The following DRICH1 variants were observed in gnomAD, a reference collection of about 807,000 sequenced individuals.
DRICH1 encodes the protein aspartate-rich protein 1.
DRICH1 carries 38 observed loss-of-function variants against 39.5 expected under a neutral mutation model. The observed-to-expected ratio is 0.96, with a 90% CI of 0.74 to 1.26. The LOEUF (loss-of-function observed/expected upper bound fraction) is 1.26, where lower values mean the gene tolerates loss of function less well. Ranked by LOEUF, DRICH1 falls within the 50% of genes most tolerant of loss-of-function variation. The probability of loss-of-function intolerance (pLI) is 0.00; values close to 1 mark genes in which losing one functional copy is unlikely to be tolerated. For missense variants in DRICH1, 279 were observed against 270.4 expected (o/e 1.03, Z -0.22); for synonymous variants, 84 against 99.5 (o/e 0.84, Z 0.93).
chr22:23,588,403 G>A, the DRICH1 span, among the ~76,000 whole-genome samples: 1 of 152,250 alleles, frequency 6.6e-6, no homozygotes, highest in Non-Finnish European at 1.5e-5. Flanking sequence ...TGGGATCACA[G>A]GCATGAGCCA....
chr22:23,583,812 C>T, the DRICH1 span: 1 of 152,568 alleles, frequency 6.6e-6, no homozygotes, highest in Admixed American at 6.5e-5. Flanking sequence ...CTCTCACCTT[C>T]AGGGCTGGAG....
At chr22:23,600,553 G>A in the DRICH1 span, among the ~76,000 whole-genome samples, 383 of 152,278 alleles carry the variant, frequency 2.5e-3, 2 homozygotes, top group Non-Finnish European at 3.1e-3. Flanking sequence ...TGGGCACCTC[G>A]GTGCTGGATA....
the DRICH1 span, among the ~76,000 whole-genome samples, chr22:23,600,303 G>T: frequency 6.6e-6 from 1 of 152,168 alleles, no homozygotes; most frequent in African/African-American, 2.4e-5. Flanking sequence ...GACCTTCAGG[G>T]ACCCACTTCC....
At chr22:23,591,669 C>T in the DRICH1 span, among the ~76,000 whole-genome samples, 1 of 152,144 alleles carries the variant, frequency 6.6e-6, no homozygotes, top group Non-Finnish European at 1.5e-5. Context: ...GGGGTCCTGT[C>T]AGGAGCTAGG....
chr22:23,589,547 T>G, the DRICH1 span, among the ~76,000 whole-genome samples: 128 of 152,106 alleles, frequency 8.4e-4, 1 homozygote, highest in South Asian at 0.026. Flanking sequence ...TGTTCATATA[T>G]AATAAAAAAT....
At chr22:23,614,361 G>A (rs1235181377) in intron 8 of DRICH1, 147 bp from the exon 9 acceptor site, 4 of 632,804 alleles carry the variant, frequency 6.3e-6, no homozygotes, top group Non-Finnish European at 1.1e-5. Flanking sequence ...AGTGGAAGAG[G>A]GATGGCAAAG....
downstream of DRICH1, among the ~76,000 whole-genome samples, chr22:23,606,416 T>C (rs1300260129): frequency 1.3e-5 from 2 of 152,084 alleles, no homozygotes; most frequent in African/African-American, 4.8e-5. Context: ...CCCCTTCCCA[T>C]AGAGCCCCAG....
chr22:23,613,720 ATC>A, intron 9 of DRICH1, 60 bp from the exon 10 acceptor site: 1 of 1,281,654 alleles, frequency 7.8e-7, no homozygotes. Context: ...CTTCACACAG[ATC>A]TGTTATTCTC....
chr22:23,612,466 CAAAAAAAAAA>C (rs1211963554), intron 11 of DRICH1, among the ~76,000 whole-genome samples: 1 of 24,856 alleles, frequency 4.0e-5, no homozygotes, highest in South Asian at 1.6e-3. Context: ...GACTCCATCT[CAAAAAAAAAA>C]AAAAAGAAAA....
chr22:23,608,713 G>A lies in DRICH1; in HGVS notation c.*51C>T, dbSNP rs778805098. On this transcript the variant is annotated 3_prime_UTR_variant, in exon 12 of 12. Coordinates refer to ENST00000317749, the MANE Select transcript of DRICH1 (RefSeq NM_016449.4). ...GGCAAAGCTGGGGACCCTGCAGCACGCGCTGGCCTGCCCTTTGGGTCAGCA... is the reference window on the plus strand; with the variant it reads ...GGCAAAGCTGGGGACCCTGCAGCACACGCTGGCCTGCCCTTTGGGTCAGCA... 1.4e-5 allele frequency: 22 copies of A among 1,547,066 alleles called. No individual in the cohort carries two copies. In the Admixed American group the frequency reaches 1.6e-4, roughly 11 times the overall value.
At chr22:23,625,346 A>C (rs1027363179) in intron 2 of DRICH1, among the ~76,000 whole-genome samples, 3 of 152,128 alleles carry the variant, frequency 2.0e-5, no homozygotes, top group African/African-American at 7.3e-5. Flanking sequence ...AATCAGGTGA[A>C]GGAAATAATG....
intron 3 of DRICH1, chr22:23,624,408 T>C (rs117844389): frequency 0.011 from 10,053 of 905,000 alleles, 64 homozygotes; most frequent in Non-Finnish European, 0.012. Flanking sequence ...CCTGATGACA[T>C]TAAACTCTGA....
the DRICH1 span, among the ~76,000 whole-genome samples, chr22:23,601,876 G>A: frequency 4.4e-4 from 66 of 149,440 alleles, no homozygotes; most frequent in African/African-American, 1.6e-3. Flanking sequence ...AGTGGTTGCC[G>A]TGGTTGGGGT....
chr22:23,588,413 A>T, the DRICH1 span, among the ~76,000 whole-genome samples: 1 of 152,220 alleles, frequency 6.6e-6, no homozygotes, highest in Admixed American at 6.5e-5. Flanking sequence ...GGCATGAGCC[A>T]CTGTGCCCAG....
chr22:23,614,455 A>G (rs1927233923), intron 8 of DRICH1, among the ~76,000 whole-genome samples: 1 of 152,206 alleles, frequency 6.6e-6, no homozygotes, highest in Non-Finnish European at 1.5e-5. Flanking sequence ...AATCACCCCC[A>G]AATGTAAGTA....
Position 23,632,236 on chromosome 22 carries a change from G to A in DRICH1, c.-213C>T, listed in dbSNP as rs149192169. 7 of 770,550 alleles carry A rather than the reference G, an allele frequency of 9.1e-6. No homozygotes were observed. The highest frequency in any genetic ancestry group is 1.8e-5 in the African/African-American group (1 of 56,984). The allele number at this position is 770,550 out of a possible 1,614,324, so 47.7% of individuals were successfully genotyped here. A position where few individuals can be genotyped will look rare whatever the true frequency, so the allele number is the denominator to read the frequency against. On this transcript the variant is annotated 5_prime_UTR_variant, in exon 1 of 12. Coordinates refer to ENST00000317749, the MANE Select transcript of DRICH1 (RefSeq NM_016449.4). ...CTGCTGTCTTCTTTGAAAAATAAACGAACATGACAAGCACCCAAAGGTGCA... is the reference window on the plus strand; with the variant it reads ...CTGCTGTCTTCTTTGAAAAATAAACAAACATGACAAGCACCCAAAGGTGCA...
the DRICH1 span, among the ~76,000 whole-genome samples, chr22:23,594,666 T>A: frequency 1.3e-5 from 2 of 150,928 alleles, no homozygotes; most frequent in Non-Finnish European, 2.9e-5. Flanking sequence ...GTGACAGTCA[T>A]TCATCCACTC....
At chr22:23,596,378 G>A in the DRICH1 span, among the ~76,000 whole-genome samples, 1 of 152,002 alleles carries the variant, frequency 6.6e-6, no homozygotes, top group Non-Finnish European at 1.5e-5. Context: ...TCCCACCTCA[G>A]CTTCGCAAGT....
At chr22:23,616,783 G>A (rs533201424) in intron 8 of DRICH1, 70 bp downstream of exon 8, 1 of 1,580,104 alleles carries the variant, frequency 6.3e-7, no homozygotes, top group South Asian at 1.1e-5. Flanking sequence ...CAGGAACCCA[G>A]ATTAAGGTTT....
Sources: allele counts gnomAD v4.1 joint callset (sites outside exome capture counted in the v4.1 genomes callset), GRCh38; gene constraint gnomAD v4.1.1; transcripts MANE v1.5; gene names NCBI Gene and HGNC (gene_info 2026-07-23, HGNC 2026-07-21).